HEMK2: variants seen among roughly 807,000 people sequenced by gnomAD.
The protein encoded by HEMK2 is methyltransferase HEMK2.
the HEMK2 span, among the ~76,000 whole-genome samples, chr21:28,842,736 T>C: frequency 6.7e-6 from 1 of 148,794 alleles, no homozygotes; most frequent in Non-Finnish European, 1.5e-5. Context: ...AATGATTTAT[T>C]TCAGGTGATC....
the HEMK2 span, among the ~76,000 whole-genome samples, chr21:28,735,739 A>C: frequency 2.6e-5 from 4 of 152,192 alleles, no homozygotes; most frequent in African/African-American, 9.7e-5. Flanking sequence ...AACTCATGTG[A>C]TGAGGTCAGG....
At chr21:28,576,092 CTAATA>C in the HEMK2 span, among the ~76,000 whole-genome samples, 2 of 152,086 alleles carry the variant, frequency 1.3e-5, no homozygotes, top group Non-Finnish European at 2.9e-5. Context: ...TTTCATTGCT[CTAATA>C]TAAGTACGTA....
the HEMK2 span, among the ~76,000 whole-genome samples, chr21:28,673,979 G>A: frequency 6.6e-6 from 1 of 152,152 alleles, no homozygotes; most frequent in Non-Finnish European, 1.5e-5. Context: ...GAAACCTACT[G>A]GGCTGCATTC....
At chr21:28,795,653 T>C in the HEMK2 span, among the ~76,000 whole-genome samples, 3 of 152,230 alleles carry the variant, frequency 2.0e-5, no homozygotes, top group African/African-American at 7.2e-5. Context: ...GCCATTTCCA[T>C]GTGGAAATGT....
At chr21:28,763,601 T>C in the HEMK2 span, among the ~76,000 whole-genome samples, 11 of 152,170 alleles carry the variant, frequency 7.2e-5, no homozygotes, top group African/African-American at 2.6e-4. Context: ...ACGTGAACAT[T>C]CTCAGCCTCA....
At chr21:28,879,080 C>CTTTTTTTTTTTTTTTTTTTT in the HEMK2 span, among the ~76,000 whole-genome samples, 1 of 98,656 alleles carries the variant, frequency 1.0e-5, no homozygotes, top group African/African-American at 3.9e-5. Context: ...TAGATTGTTT[C>CTTTTTTTTTTTTTTTTTTTT]TTTTTTTTTT....
At chr21:28,580,304 G>A in the HEMK2 span, among the ~76,000 whole-genome samples, 2 of 152,080 alleles carry the variant, frequency 1.3e-5, no homozygotes, top group African/African-American at 4.8e-5. Context: ...CCATCATGAC[G>A]GGGCCCAGAG....
chr21:28,802,754 A>T, the HEMK2 span, among the ~76,000 whole-genome samples: 37 of 152,350 alleles, frequency 2.4e-4, no homozygotes, highest in African/African-American at 8.4e-4. Context: ...AAATTAAAAA[A>T]GAAATGAAAA....
the HEMK2 span, among the ~76,000 whole-genome samples, chr21:28,811,400 AGAAGGAAGGAAG>A: frequency 4.6e-5 from 6 of 129,580 alleles, no homozygotes; most frequent in African/African-American, 6.2e-5. Context: ...GGAGAAACAG[AGAAGGAAGGAAG>A]GAAGGAAGGA....
chr21:28,728,187 C>A, the HEMK2 span, among the ~76,000 whole-genome samples: 2 of 152,150 alleles, frequency 1.3e-5, no homozygotes, highest in Non-Finnish European at 2.9e-5. Context: ...AAATGACATG[C>A]CTTTACAAAT....
At chr21:28,672,252 C>A in the HEMK2 span, among the ~76,000 whole-genome samples, 1 of 151,926 alleles carries the variant, frequency 6.6e-6, no homozygotes, top group East Asian at 1.9e-4. Flanking sequence ...TCTTTCTCAC[C>A]CTCTGTCTTC....
the HEMK2 span, among the ~76,000 whole-genome samples, chr21:28,809,308 G>A: frequency 1.3e-5 from 2 of 152,126 alleles, no homozygotes; most frequent in East Asian, 3.8e-4. Flanking sequence ...AAATCATATT[G>A]TTATGTATCA....
At chr21:28,785,656 ATGCCCAGGT>A in the HEMK2 span, among the ~76,000 whole-genome samples, 1 of 152,222 alleles carries the variant, frequency 6.6e-6, no homozygotes, top group East Asian at 1.9e-4. Context: ...CTATGTGAAT[ATGCCCAGGT>A]TAGCCTGCTG....
the HEMK2 span, among the ~76,000 whole-genome samples, chr21:28,716,204 A>T: frequency 1.3e-5 from 2 of 152,188 alleles, no homozygotes; most frequent in Non-Finnish European, 2.9e-5. Flanking sequence ...AATAGCACTG[A>T]ATCTGTACAT....
the HEMK2 span, among the ~76,000 whole-genome samples, chr21:28,823,068 G>A: frequency 6.6e-6 from 1 of 152,222 alleles, no homozygotes; most frequent in African/African-American, 2.4e-5. Flanking sequence ...CCTCCAGGAA[G>A]AGAGATGGCT....
chr21:28,613,809 T>G, the HEMK2 span, among the ~76,000 whole-genome samples: 1 of 152,052 alleles, frequency 6.6e-6, no homozygotes, highest in Non-Finnish European at 1.5e-5. Context: ...GAGTTAAACA[T>G]GTAAGAAATG....
At chr21:28,644,694 T>C in the HEMK2 span, among the ~76,000 whole-genome samples, 13 of 152,362 alleles carry the variant, frequency 8.5e-5, no homozygotes, top group African/African-American at 3.1e-4. Context: ...TAATTCTTTT[T>C]GTGAAATTTA....
the HEMK2 span, among the ~76,000 whole-genome samples, chr21:28,810,968 G>C: frequency 6.6e-6 from 1 of 152,154 alleles, no homozygotes; most frequent in Admixed American, 6.5e-5. Context: ...GAATCATGTG[G>C]CGAGACTTTC....
chr21:28,762,518 G>A, the HEMK2 span, among the ~76,000 whole-genome samples: 1 of 152,116 alleles, frequency 6.6e-6, no homozygotes, highest in African/African-American at 2.4e-5. Flanking sequence ...ACTCCAGAGA[G>A]AGTATGTACT....
Sources: allele counts gnomAD v4.1 joint callset (sites outside exome capture counted in the v4.1 genomes callset), GRCh38; gene constraint gnomAD v4.1.1; transcripts MANE v1.5; gene names NCBI Gene and HGNC (gene_info 2026-07-23, HGNC 2026-07-21).